The following TESK2 variants were observed in gnomAD, a reference collection of about 807,000 sequenced individuals.
The protein encoded by TESK2 is testis associated actin remodelling kinase 2, also known as dual specificity testis-specific protein kinase 2.
TESK2 carries 39 observed loss-of-function variants against 57.1 expected under a neutral mutation model. That is an observed-to-expected ratio of 0.68 (90% CI 0.53 to 0.89). TESK2 has a LOEUF of 0.89. Ranked by LOEUF, TESK2 falls within the 40% of genes least tolerant of loss-of-function variation. TESK2 has a pLI of 0.00. For synonymous variants in TESK2, 249 were observed against 267.9 expected (o/e 0.93, Z 0.69); for missense variants, 646 against 732.1 (o/e 0.88, Z 1.36).
intron 1 of TESK2, among the ~76,000 whole-genome samples, chr1:45,462,771 A>G (rs953367583): frequency 6.6e-6 from 1 of 152,196 alleles, no homozygotes; most frequent in African/African-American, 2.4e-5. Context: ...TGGGATTGCT[A>G]TATCACATTG....
intron 1 of TESK2, among the ~76,000 whole-genome samples, chr1:45,461,042 G>T (rs1391799610): frequency 2.0e-5 from 3 of 150,618 alleles, no homozygotes; most frequent in African/African-American, 7.3e-5. Flanking sequence ...CTTTTTTTTT[G>T]GAAACACAAG....
In TESK2 at chr1:45,345,399, T is replaced by G; in HGVS notation, c.1157A>C (p.Tyr386Ser). Reference protein sequence around the residue: ...PPRTVSVLDPYYRPRDGAART... With the variant: ...PPRTVSVLDPSYRPRDGAART... ...GGCAGCACCATCTCGTGGCCGGTAGTATGGGTCCAAGACACTCACTGTACG... is the reference window on the plus strand; with the variant it reads ...GGCAGCACCATCTCGTGGCCGGTAGGATGGGTCCAAGACACTCACTGTACG... Residue 386 changes from tyrosine to serine, a missense_variant, in exon 11 of 11, where the codon TAC becomes TCC. Physicochemically the swap from Tyr to Ser is moderately radical, Grantham distance 144 (BLOSUM62 -2). Transcript: ENST00000372086. 1 of 1,614,038 alleles carries G rather than the reference T, an allele frequency of 6.2e-7. No homozygotes were observed. The highest frequency in any genetic ancestry group is 1.6e-4 in the Middle Eastern group (1 of 6,062).
intron 4 of TESK2, among the ~76,000 whole-genome samples, chr1:45,364,699 C>T (rs1334356702): frequency 3.3e-5 from 5 of 152,110 alleles, no homozygotes; most frequent in Admixed American, 3.3e-4. Context: ...GACCAAACAT[C>T]TAACTAACAG....
chr1:45,471,109 T>C, intron 1 of TESK2, among the ~76,000 whole-genome samples: 1 of 152,106 alleles, frequency 6.6e-6, no homozygotes, highest in Non-Finnish European at 1.5e-5. Context: ...CGTGCACCTA[T>C]AGTCCCAGCT....
intron 4 of TESK2, among the ~76,000 whole-genome samples, chr1:45,372,222 T>A (rs1362145336): frequency 6.6e-6 from 1 of 151,776 alleles, no homozygotes; most frequent in Non-Finnish European, 1.5e-5. Context: ...CATTCCAGCC[T>A]GGGTGATGGA....
chr1:45,441,425 C>T (rs1651439148), intron 2 of TESK2, among the ~76,000 whole-genome samples: 1 of 152,060 alleles, frequency 6.6e-6, no homozygotes, highest in South Asian at 2.1e-4. Flanking sequence ...GATCCGCCTG[C>T]CTCGTCCTCC....
chr1:45,391,171 C>T (rs1160239006), intron 3 of TESK2, among the ~76,000 whole-genome samples: 1 of 150,976 alleles, frequency 6.6e-6, no homozygotes, highest in Non-Finnish European at 1.5e-5. Context: ...CCCCCTCAGC[C>T]TCCCAAAGTG....
At position 45,344,136 on chromosome 1, in the gene TESK2, A is replaced by C. The variant is rs376846385; in HGVS notation, c.*704T>G. ...TGATAAATACATAGAAGCAGGCCCT[A>C]GGGCCTACAAAACCAGCCCCACTCC... is the stretch of plus-strand genomic sequence containing the variant. On this transcript the variant is annotated 3_prime_UTR_variant, in exon 11 of 11. Coordinates refer to ENST00000372086, the MANE Select transcript of TESK2 (RefSeq NM_007170.3). 2 of 164,942 alleles carry C rather than the reference A, an allele frequency of 1.2e-5. No individual in the cohort carries two copies. Among genetic ancestry groups the C allele is most frequent in the African/African-American group, 4.8e-5 (2 of 41,644 alleles). 10.2% of individuals were successfully genotyped at this position (164,942 alleles called of 1,614,324 possible). A position where few individuals can be genotyped will look rare whatever the true frequency, so the allele number is the denominator to read the frequency against.
chr1:45,409,938 G>A (rs763365956), intron 3 of TESK2, among the ~76,000 whole-genome samples: 6 of 152,020 alleles, frequency 3.9e-5, no homozygotes, highest in Non-Finnish European at 7.4e-5. Context: ...GCCAACGGGG[G>A]CAGATCACTT....
intron 4 of TESK2, among the ~76,000 whole-genome samples, chr1:45,360,261 T>C (rs563537551): frequency 4.6e-5 from 7 of 152,180 alleles, no homozygotes; most frequent in Non-Finnish European, 7.3e-5. Flanking sequence ...AAGTGGGCAG[T>C]GAAGCTGACA....
At chr1:45,479,332 T>A (rs1044978099) in intron 1 of TESK2, among the ~76,000 whole-genome samples, 1 of 152,152 alleles carries the variant, frequency 6.6e-6, no homozygotes, top group African/African-American at 2.4e-5. Context: ...GAAATCATTG[T>A]GGAAGTCATT....
In TESK2 at chr1:45,490,947, T is replaced by G. The variant is rs1272578862; in HGVS notation, c.-182A>C. 1 of 152,302 alleles carries G rather than the reference T, an allele frequency of 6.6e-6. No individual in the cohort carries two copies. The highest frequency in any genetic ancestry group is 1.5e-5 in the Non-Finnish European group (1 of 68,124). 9.4% of individuals were successfully genotyped at this position (152,302 alleles called of 1,614,324 possible). A position where few individuals can be genotyped will look rare whatever the true frequency, so the allele number is the denominator to read the frequency against. On this transcript the variant is annotated 5_prime_UTR_variant, in exon 1 of 11. Coordinates refer to ENST00000372086, the MANE Select transcript of TESK2 (RefSeq NM_007170.3). ...CATAGTAACCCTCACAGCTCGTTGG[T>G]GGCAGCGGCTCCTTAGCCTGCGGAG...
At chr1:45,485,974 G>A (rs1489985983) in intron 1 of TESK2, among the ~76,000 whole-genome samples, 1 of 151,272 alleles carries the variant, frequency 6.6e-6, no homozygotes, top group Non-Finnish European at 1.5e-5. Flanking sequence ...TAACAACAGA[G>A]TTGAATACAA....
At chr1:45,475,364 G>A (rs779662609) in intron 1 of TESK2, among the ~76,000 whole-genome samples, 2 of 151,404 alleles carry the variant, frequency 1.3e-5, no homozygotes, top group Admixed American at 6.6e-5. Flanking sequence ...GTGCCACCAC[G>A]CCTGGCTAAT....
intron 5 of TESK2, among the ~76,000 whole-genome samples, 173 bp from the exon 6 acceptor site, chr1:45,348,173 G>A (rs1024907435): frequency 1.3e-5 from 2 of 152,172 alleles, no homozygotes; most frequent in African/African-American, 4.8e-5. Context: ...ACAGCCAGGT[G>A]AGATGAGTTA....
At chr1:45,466,864 ATATT>A (rs1418935460) in intron 1 of TESK2, among the ~76,000 whole-genome samples, 3 of 151,894 alleles carry the variant, frequency 2.0e-5, no homozygotes, top group Non-Finnish European at 2.9e-5. Flanking sequence ...CCTACATTTT[ATATT>A]TATTAACTCA....
intron 3 of TESK2, among the ~76,000 whole-genome samples, chr1:45,400,746 G>C (rs991846924): frequency 6.6e-6 from 1 of 152,132 alleles, no homozygotes; most frequent in African/African-American, 2.4e-5. Flanking sequence ...GAAGAGCCAG[G>C]CATGGTGGCT....
At chr1:45,455,382 T>C (rs1652048937) in intron 2 of TESK2, among the ~76,000 whole-genome samples, 1 of 152,166 alleles carries the variant, frequency 6.6e-6, no homozygotes. Flanking sequence ...CATCCTGTAC[T>C]CTTTAACAAA....
chr1:45,391,152 G>A lies in TESK2; in HGVS notation c.345-5192C>T, dbSNP rs568464501. 2.8e-4 allele frequency among the ~76,000 whole-genome samples: 42 copies of A among 150,786 alleles called. No homozygotes were observed. The South Asian group carries it at 4.8e-3, about 17-fold the overall frequency. On this transcript the variant is annotated intron_variant, in intron 3 of 10. Transcript: ENST00000372086. The stretch of plus-strand genomic sequence containing the variant: ...AGGATGGTCTTGATCTCCTGACCTC[G>A]TGATCCGCCCCCCTCAGCCTCCCAA...
Sources: gnomAD v4.1 joint callset for allele counts (sites outside exome capture counted in the v4.1 genomes callset) on GRCh38, gnomAD v4.1.1 for gene constraint, MANE v1.5 for transcripts, NCBI Gene and HGNC (gene_info 2026-07-23, HGNC 2026-07-21) for gene names.